CDH13: variants seen among roughly 807,000 people sequenced by gnomAD.
The protein encoded by CDH13 is cadherin-13.
CDH13 carries 24 observed loss-of-function variants against 63.8 expected under a neutral mutation model. That is an observed-to-expected ratio of 0.38 (90% CI 0.27 to 0.53). CDH13 has a LOEUF of 0.53. Ranked by LOEUF, CDH13 falls within the 20% of genes least tolerant of loss-of-function variation. The pLI, the probability that CDH13 is intolerant of heterozygous loss-of-function variation, is 0.85. For synonymous variants in CDH13, 503 were observed against 355.3 expected (o/e 1.42, Z -4.67); for missense variants, 1,049 against 903.1 (o/e 1.16, Z -2.07).
At chr16:82,749,104 A>G (rs577272612) in intron 1 of CDH13, among the ~76,000 whole-genome samples, 2 of 151,986 alleles carry the variant, frequency 1.3e-5, no homozygotes, top group Non-Finnish European at 2.9e-5. Flanking sequence ...TTTTTTTTCA[A>G]ATGGACACAG....
intron 2 of CDH13, among the ~76,000 whole-genome samples, chr16:82,874,517 C>T (rs567874752): frequency 6.6e-6 from 1 of 151,832 alleles, no homozygotes; most frequent in Admixed American, 6.6e-5. Context: ...CGATTGTCAG[C>T]GATCCAGGCT....
chr16:82,650,509 AC>A (rs1209401457), intron 1 of CDH13, among the ~76,000 whole-genome samples: 4 of 152,118 alleles, frequency 2.6e-5, no homozygotes, highest in Non-Finnish European at 4.4e-5. Context: ...AGCCTCATTA[AC>A]CCAACCACTT....
chr16:83,154,426 G>T (rs1254429276), intron 4 of CDH13, among the ~76,000 whole-genome samples: 1 of 151,900 alleles, frequency 6.6e-6, no homozygotes, highest in Non-Finnish European at 1.5e-5. Context: ...AATTAGCAAG[G>T]TGTGGTGGCA....
chr16:83,745,325 G>C (rs567006935), intron 10 of CDH13, among the ~76,000 whole-genome samples: 1 of 152,160 alleles, frequency 6.6e-6, no homozygotes, highest in South Asian at 2.1e-4. Context: ...AACTTGATTT[G>C]ATTCTCAGGT....
At chr16:82,810,986 C>A (rs1028058820) in intron 1 of CDH13, among the ~76,000 whole-genome samples, 5 of 152,110 alleles carry the variant, frequency 3.3e-5, no homozygotes, top group Non-Finnish European at 7.4e-5. Context: ...TCTCAGTCTG[C>A]TGAAGCCTGG....
At chr16:83,011,060 G>A (rs12925746) in intron 2 of CDH13, among the ~76,000 whole-genome samples, 19,604 of 152,134 alleles carry the variant, frequency 0.13, 1,620 homozygotes, top group East Asian at 0.28. Flanking sequence ...AGATGGTGTG[G>A]AACGTTTCTT....
At chr16:83,645,753 C>G (rs1911731595) in intron 8 of CDH13, among the ~76,000 whole-genome samples, 1 of 151,856 alleles carries the variant, frequency 6.6e-6, no homozygotes, top group Non-Finnish European at 1.5e-5. Context: ...GGTGGTAGAG[C>G]ATAAGGGAAG....
chr16:82,642,857 AG>A (rs1427185558), intron 1 of CDH13, among the ~76,000 whole-genome samples: 1 of 152,210 alleles, frequency 6.6e-6, no homozygotes, highest in Non-Finnish European at 1.5e-5. Flanking sequence ...CCCATTTCAT[AG>A]GTGGGGAAAC....
At chr16:83,521,514 G>C (rs772650362) in intron 7 of CDH13, among the ~76,000 whole-genome samples, 8 of 152,176 alleles carry the variant, frequency 5.3e-5, no homozygotes, top group Non-Finnish European at 7.4e-5. Context: ...GCAGTTTAAA[G>C]ACAGCTTATC....
At chr16:83,032,734 T>C (rs1407440041) in intron 3 of CDH13, among the ~76,000 whole-genome samples, 1 of 152,204 alleles carries the variant, frequency 6.6e-6, no homozygotes, top group East Asian at 1.9e-4. Flanking sequence ...TGTGATGTTC[T>C]GGTTGGCCAC....
At chr16:83,300,173 A>G (rs1207348291) in intron 5 of CDH13, among the ~76,000 whole-genome samples, 1 of 152,368 alleles carries the variant, frequency 6.6e-6, no homozygotes, top group East Asian at 1.9e-4. Context: ...AGTCAAGGAT[A>G]TGCTCATAGA....
intron 4 of CDH13, among the ~76,000 whole-genome samples, chr16:83,208,139 G>T (rs2039236161): frequency 1.3e-5 from 2 of 152,158 alleles, no homozygotes; most frequent in African/African-American, 4.8e-5. Context: ...TGATAAGGTG[G>T]GTGTGGAGCT....
chr16:83,175,955 A>C (rs574172711), intron 4 of CDH13, among the ~76,000 whole-genome samples: 1 of 150,574 alleles, frequency 6.6e-6, no homozygotes, highest in African/African-American at 2.4e-5. Flanking sequence ...CAGCCTCCCA[A>C]GTAGCTGGGA....
intron 2 of CDH13, among the ~76,000 whole-genome samples, chr16:82,907,627 C>G (rs1467295329): frequency 1.3e-5 from 2 of 152,130 alleles, no homozygotes; most frequent in African/African-American, 4.8e-5. Context: ...ATGGTGAGGC[C>G]AAAGCCATGA....
At chr16:83,274,538 G>A (rs576770271) in intron 5 of CDH13, among the ~76,000 whole-genome samples, 6 of 152,142 alleles carry the variant, frequency 3.9e-5, no homozygotes, top group Admixed American at 6.5e-5. Context: ...TGTCTTTAGA[G>A]CTCTCTAAGT....
intron 2 of CDH13, among the ~76,000 whole-genome samples, chr16:82,871,373 C>T (rs1893507614): frequency 6.6e-6 from 1 of 151,954 alleles, no homozygotes; most frequent in Non-Finnish European, 1.5e-5. Context: ...GAGATGGGGA[C>T]AGTTTGTATG....
chr16:82,655,174 C>T (rs1911158097), intron 1 of CDH13, among the ~76,000 whole-genome samples: 1 of 152,240 alleles, frequency 6.6e-6, no homozygotes, highest in East Asian at 1.9e-4. Flanking sequence ...AGGAAAATAG[C>T]AATGGGCACA....
chr16:83,212,418 T>A (rs2039365121), intron 4 of CDH13, among the ~76,000 whole-genome samples: 1 of 152,134 alleles, frequency 6.6e-6, no homozygotes, highest in Non-Finnish European at 1.5e-5. Flanking sequence ...AGAGGGACTT[T>A]CCCCACTCCA....
intron 6 of CDH13, among the ~76,000 whole-genome samples, chr16:83,394,367 G>T (rs2091844937): frequency 6.6e-6 from 1 of 152,156 alleles, no homozygotes. Flanking sequence ...AACACAGCCT[G>T]AAAGAGGCGA....
Sources: allele counts gnomAD v4.1 joint callset (sites outside exome capture counted in the v4.1 genomes callset), GRCh38; gene constraint gnomAD v4.1.1; transcripts MANE v1.5; gene names NCBI Gene and HGNC (gene_info 2026-07-23, HGNC 2026-07-21).